NCALD: variants seen among roughly 807,000 people sequenced by gnomAD.
NCALD encodes neurocalcin-delta.
A neutral mutation model predicts 18.6 loss-of-function variants in NCALD; 10 were observed. The ratio of observed to expected loss-of-function variants is 0.54; its 90% CI spans 0.33 to 0.91. The LOEUF is 0.91. NCALD is among the 40% of genes least tolerant of loss of function. NCALD has a pLI of 0.03. For missense variants in NCALD, 184 were observed against 247.6 expected (o/e 0.74, Z 1.72); for synonymous variants, 88 against 87.4 (o/e 1.01, Z -0.04).
intron 1 of NCALD, among the ~76,000 whole-genome samples, chr8:101,736,431 T>C (rs1178240609): frequency 6.6e-6 from 1 of 152,254 alleles, no homozygotes; most frequent in Non-Finnish European, 1.5e-5. Context: ...GTGTTCCTAC[T>C]GCATGCCAAT....
intron 1 of NCALD, among the ~76,000 whole-genome samples, chr8:102,098,774 T>C (rs1825182326): frequency 6.6e-6 from 1 of 152,144 alleles, no homozygotes; most frequent in Non-Finnish European, 1.5e-5. Flanking sequence ...ACACTTGGAA[T>C]TTAACCAGCC....
chr8:101,700,028 T>TTTTATTTATTTA (rs35567665), intron 2 of NCALD, among the ~76,000 whole-genome samples: 5 of 149,982 alleles, frequency 3.3e-5, no homozygotes, highest in African/African-American at 7.3e-5. Flanking sequence ...TGCTCTCTAT[T>TTTTATTTATTTA]TTTATTTATT....
At position 101,951,237 on chromosome 8, in the gene NCALD, C is replaced by T. The variant is rs560743225; in HGVS notation, c.-156-35379G>A. ...ATTATAGGAGGCTAGAAAAATGGTA[C>T]CCCATGTTTTTTAATGGCAAAACGT... is the stretch of plus-strand genomic sequence containing the variant. On this transcript the variant is annotated intron_variant, in intron 2 of 6. Transcript: ENST00000311028. Among the ~76,000 whole-genome samples the T allele has an allele frequency of 2.0e-5, 3 of 152,232 alleles. No homozygotes were observed. The East Asian group carries it at 5.8e-4, about 29-fold the overall frequency.
At chr8:101,982,177 G>A (rs1311013548) in intron 2 of NCALD, among the ~76,000 whole-genome samples, 3 of 152,288 alleles carry the variant, frequency 2.0e-5, no homozygotes, top group Non-Finnish European at 2.9e-5. Context: ...TCAGAAATGT[G>A]AGTCAAATAA....
chr8:101,734,395 T>G (rs1816984851), intron 1 of NCALD, among the ~76,000 whole-genome samples: 1 of 152,208 alleles, frequency 6.6e-6, no homozygotes. Flanking sequence ...TTGGAATTAT[T>G]TGCACAGTTA....
intron 1 of NCALD, among the ~76,000 whole-genome samples, chr8:102,040,479 AAAAAG>A (rs113596482): frequency 2.1e-4 from 32 of 150,842 alleles, no homozygotes; most frequent in African/African-American, 7.8e-4. Context: ...ATCAAAAAAA[AAAAAG>A]AAAAGAAAAG....
At chr8:102,070,120 A>C (rs1420186760) in intron 1 of NCALD, 1 of 152,180 alleles carries the variant, frequency 6.6e-6, no homozygotes, top group Non-Finnish European at 1.5e-5. Context: ...TCTCAAAAAA[A>C]AAAAAAGTAA....
chr8:101,976,959 A>G (rs1563500443), intron 2 of NCALD, among the ~76,000 whole-genome samples: 1 of 147,722 alleles, frequency 6.8e-6, no homozygotes, highest in Non-Finnish European at 1.5e-5. Context: ...GGACAGTGCC[A>G]GGAAGTTAGG....
intron 1 of NCALD, among the ~76,000 whole-genome samples, chr8:102,076,900 C>G (rs1011853448): frequency 6.6e-6 from 1 of 152,184 alleles, no homozygotes; most frequent in East Asian, 1.9e-4. Context: ...ACTTGTGACC[C>G]TGCTGGCCCT....
intron 1 of NCALD, among the ~76,000 whole-genome samples, chr8:102,070,998 G>A (rs1824164480): frequency 6.6e-6 from 1 of 152,164 alleles, no homozygotes; most frequent in Non-Finnish European, 1.5e-5. Context: ...TATTGAAAAT[G>A]CAGATTTTTT....
rs374639793 is a variant in NCALD at position 101,852,292 on chromosome 8, C to T, written c.-20+34849G>A. Among the ~76,000 whole-genome samples, 76 of 152,322 alleles carry T rather than the reference C, an allele frequency of 5.0e-4. 2 individuals carry two copies. The highest frequency in any genetic ancestry group is 1.8e-3 in the African/African-American group (75 of 41,576). ...GATACACTGTACTATGTTCTTTTCA[C>T]TTCCTTATTCTCCTAACACCTTTTA... On this transcript the variant is annotated intron_variant, in intron 4 of 6. Coordinates refer to the NCALD transcript ENST00000311028.
intron 1 of NCALD, among the ~76,000 whole-genome samples, chr8:101,757,605 T>G (rs1022942605): frequency 6.6e-6 from 1 of 152,230 alleles, no homozygotes; most frequent in Non-Finnish European, 1.5e-5. Flanking sequence ...ATTTTTTTCA[T>G]GAATTTGTGA....
chr8:101,824,190 T>A (rs1361947134), intron 4 of NCALD, among the ~76,000 whole-genome samples: 3 of 152,226 alleles, frequency 2.0e-5, no homozygotes, highest in South Asian at 2.1e-4. Context: ...ATATAGAAGC[T>A]GGAATATGCT....
At chr8:101,955,834 T>C (rs1037365598) in intron 2 of NCALD, among the ~76,000 whole-genome samples, 2 of 152,192 alleles carry the variant, frequency 1.3e-5, no homozygotes, top group African/African-American at 4.8e-5. Flanking sequence ...GATACTAGTA[T>C]TGTAGTATCT....
intron 2 of NCALD, among the ~76,000 whole-genome samples, chr8:101,920,263 G>C (rs944226931): frequency 1.3e-5 from 2 of 151,734 alleles, no homozygotes; most frequent in Non-Finnish European, 2.9e-5. Context: ...TCTCAAGGGG[G>C]AAAAAAAGAA....
chr8:101,785,687 T>C (rs1812196832), intron 1 of NCALD, among the ~76,000 whole-genome samples: 1 of 152,152 alleles, frequency 6.6e-6, no homozygotes, highest in South Asian at 2.1e-4. Flanking sequence ...ATATCACTAA[T>C]TTAAAGACTC....
intron 2 of NCALD, among the ~76,000 whole-genome samples, chr8:101,715,003 C>CAAAAAAAAAAAAAAAA (rs1297532566): frequency 1.6e-4 from 16 of 103,220 alleles, no homozygotes; most frequent in African/African-American, 6.8e-4. Flanking sequence ...GACTCCGTCT[C>CAAAAAAAAAAAAAAAA]AAAAAAAAAA....
chr8:101,724,622 A>G (rs1816495181), intron 1 of NCALD, among the ~76,000 whole-genome samples: 1 of 152,260 alleles, frequency 6.6e-6, no homozygotes, highest in African/African-American at 2.4e-5. Context: ...AGACGCTGCC[A>G]TAAATGAAAA....
chr8:101,804,592 T>C (rs1362905058), intron 4 of NCALD, among the ~76,000 whole-genome samples: 1 of 130,992 alleles, frequency 7.6e-6, no homozygotes, highest in Non-Finnish European at 1.5e-5. Flanking sequence ...TTATATAATA[T>C]ATAATTAATA....
Sources: gnomAD v4.1 joint callset for allele counts (sites outside exome capture counted in the v4.1 genomes callset) on GRCh38, gnomAD v4.1.1 for gene constraint, MANE v1.5 for transcripts, NCBI Gene and HGNC (gene_info 2026-07-23, HGNC 2026-07-21) for gene names.